Variants in CCDC178 observed in about 807,000 individuals in gnomAD.
CCDC178 encodes the protein coiled-coil domain-containing protein 178.
In CCDC178, 126 loss-of-function variants were observed where a neutral mutation model predicts 117.4. That is an observed-to-expected ratio of 1.07 (90% CI 0.93 to 1.24). The LOEUF (loss-of-function observed/expected upper bound fraction) is 1.24, where lower values mean the gene tolerates loss of function less well. Ranked by LOEUF, CCDC178 falls within the 50% of genes most tolerant of loss-of-function variation. The pLI, the probability that CCDC178 is intolerant of heterozygous loss-of-function variation, is 0.00. For missense variants in CCDC178, 1,030 were observed against 986.9 expected (o/e 1.04, Z -0.59); for synonymous variants, 283 against 313.4 (o/e 0.90, Z 1.02).
chr18:33,316,549 G>A (rs1322703534), intron 11 of CCDC178, among the ~76,000 whole-genome samples: 1 of 152,116 alleles, frequency 6.6e-6, no homozygotes, highest in African/African-American at 2.4e-5. Context: ...CGGAGAGCAG[G>A]TGCAGGGCAC....
At chr18:32,995,623 C>T (rs1211914837) in intron 21 of CCDC178, among the ~76,000 whole-genome samples, 1 of 151,972 alleles carries the variant, frequency 6.6e-6, no homozygotes, top group Non-Finnish European at 1.5e-5. Flanking sequence ...ATGCTTTTTG[C>T]CATATTCCTT....
chr18:33,139,324 G>T (rs1464178094), intron 20 of CCDC178, among the ~76,000 whole-genome samples: 2 of 152,184 alleles, frequency 1.3e-5, no homozygotes, highest in African/African-American at 4.8e-5. Flanking sequence ...TACCCAAAAT[G>T]TGGCAGCGAC....
chr18:33,040,365 C>T (rs1656884426), intron 21 of CCDC178, among the ~76,000 whole-genome samples: 1 of 151,668 alleles, frequency 6.6e-6, no homozygotes. Flanking sequence ...CTGAAGAAGG[C>T]AGACAAAGAA....
In CCDC178 at chr18:33,397,115, GA is replaced by G. The variant is rs756246771; in HGVS notation, c.118+33del. 309 of 1,343,200 alleles carry G rather than the reference GA, an allele frequency of 2.3e-4. 4 individuals carry two copies. In the African/African-American group the frequency reaches 4.0e-3, roughly 17 times the overall value. The allele number at this position is 1,343,200 out of a possible 1,614,324, so 83.2% of individuals were successfully genotyped here. A position where few individuals can be genotyped will look rare whatever the true frequency, so the allele number is the denominator to read the frequency against. The stretch of plus-strand genomic sequence containing the variant: ...AACAATTAATATGTGACAGAAAAAA[GA>G]GATGAAAATTATATATAATAGCTGT... On this transcript the variant is annotated intron_variant, in intron 4 of 22. Coordinates refer to ENST00000383096, the MANE Select transcript of CCDC178 (RefSeq NM_001105528.4).
intron 20 of CCDC178, among the ~76,000 whole-genome samples, chr18:33,099,361 C>T (rs978484778): frequency 2.0e-5 from 3 of 152,010 alleles, no homozygotes; most frequent in Non-Finnish European, 4.4e-5. Context: ...GCCCTTGGTA[C>T]ATTTCTGCCC....
chr18:33,151,142 A>G (rs928073610), intron 20 of CCDC178, among the ~76,000 whole-genome samples: 1 of 152,190 alleles, frequency 6.6e-6, no homozygotes, highest in Non-Finnish European at 1.5e-5. Flanking sequence ...AGTACAGTGT[A>G]CACTGCTTGG....
At chr18:33,271,409 T>C (rs1261616946) in intron 12 of CCDC178, among the ~76,000 whole-genome samples, 1 of 151,496 alleles carries the variant, frequency 6.6e-6, no homozygotes, top group Non-Finnish European at 1.5e-5. Context: ...AGAAATTCCA[T>C]GCAAACAGTA....
chr18:33,131,576 A>C (rs1350132100), intron 20 of CCDC178, among the ~76,000 whole-genome samples: 1 of 151,750 alleles, frequency 6.6e-6, no homozygotes, highest in African/African-American at 2.4e-5. Flanking sequence ...TAAAGGCATG[A>C]TTCTCTGTCT....
rs531841303 is a variant in CCDC178 at position 32,947,196 on chromosome 18, G to A, written c.2524-9105C>T. Among the ~76,000 whole-genome samples the A allele has an allele frequency of 4.6e-5, 7 of 152,268 alleles. No homozygotes were observed. In the South Asian group the frequency reaches 1.5e-3, roughly 32 times the overall value. ...AACATAACAATAACAAAGCAGTCAC[G>A]ATCAGAAATTGCTAGGTTTGAGAAA... On this transcript the variant is annotated intron_variant, in intron 22 of 22. Coordinates refer to ENST00000383096, the MANE Select transcript of CCDC178 (RefSeq NM_001105528.4).
At chr18:33,281,097 T>TATA (rs35235042) in intron 12 of CCDC178, among the ~76,000 whole-genome samples, 124,398 of 145,558 alleles carry the variant, frequency 0.85, 52,588 homozygotes, top group South Asian at 0.93. Context: ...AAACTTAAAG[T>TATA]ATAATAATAA....
intron 18 of CCDC178, among the ~76,000 whole-genome samples, chr18:33,220,318 A>G (rs1044950330): frequency 6.6e-6 from 1 of 152,066 alleles, no homozygotes; most frequent in African/African-American, 2.4e-5. Flanking sequence ...TAGCAATATA[A>G]TCAATGTTAT....
At chr18:33,347,551 T>G (rs2062913521) in intron 8 of CCDC178, among the ~76,000 whole-genome samples, 1 of 152,152 alleles carries the variant, frequency 6.6e-6, no homozygotes, top group African/African-American at 2.4e-5. Context: ...TTTTGTCAAA[T>G]TCTACCACAT....
Position 33,010,149 on chromosome 18 carries a change from C to T in CCDC178, c.2389-35468G>A, listed in dbSNP as rs78671310. 5.7e-3 allele frequency among the ~76,000 whole-genome samples: 861 copies of T among 152,204 alleles called. 75 individuals carry two copies. In the East Asian group the frequency reaches 0.15, roughly 26 times the overall value. ...AAAGCTATAGTATACATTCAATATG[C>T]ATATAAAATTCAGTTTTGTAGTTTT... On this transcript the variant is annotated intron_variant, in intron 21 of 22. Transcript: ENST00000383096.
At chr18:33,231,228 A>G (rs1360200025) in intron 15 of CCDC178, among the ~76,000 whole-genome samples, 2 of 152,194 alleles carry the variant, frequency 1.3e-5, no homozygotes, top group Non-Finnish European at 2.9e-5. Context: ...TTCCTGCCAG[A>G]TGTGTTTAAC....
At chr18:32,952,605 G>A (rs1224549096) in intron 22 of CCDC178, among the ~76,000 whole-genome samples, 1 of 152,126 alleles carries the variant, frequency 6.6e-6, no homozygotes, top group Non-Finnish European at 1.5e-5. Context: ...GACGGGAGGG[G>A]CTGCTGTGAA....
intron 10 of CCDC178, among the ~76,000 whole-genome samples, chr18:33,331,124 C>A (rs2062663259): frequency 6.9e-6 from 1 of 145,660 alleles, no homozygotes; most frequent in Admixed American, 7.0e-5. Context: ...CTCCACTTGC[C>A]CTGCTTATAA....
intron 22 of CCDC178, among the ~76,000 whole-genome samples, chr18:32,939,646 C>T (rs980156137): frequency 6.6e-6 from 1 of 152,026 alleles, no homozygotes. Flanking sequence ...GGTGACTGAG[C>T]CTTGATCCTT....
intron 21 of CCDC178, among the ~76,000 whole-genome samples, chr18:33,032,560 T>G (rs1167678961): frequency 6.6e-6 from 1 of 152,100 alleles, no homozygotes; most frequent in Non-Finnish European, 1.5e-5. Context: ...TGATTTAAAA[T>G]GTCAGTAAAA....
chr18:33,091,058 A>G (rs1368795221), intron 21 of CCDC178, among the ~76,000 whole-genome samples: 1 of 152,150 alleles, frequency 6.6e-6, no homozygotes, highest in African/African-American at 2.4e-5. Context: ...ACTGCAGATA[A>G]CTGCACATAT....
Sources: gnomAD v4.1 joint callset for allele counts (sites outside exome capture counted in the v4.1 genomes callset) on GRCh38, gnomAD v4.1.1 for gene constraint, MANE v1.5 for transcripts, NCBI Gene and HGNC (gene_info 2026-07-23, HGNC 2026-07-21) for gene names.